Variants in PCSK2 observed in about 807,000 individuals in gnomAD.
PCSK2 encodes the protein proprotein convertase subtilisin/kexin type 2, also known as neuroendocrine convertase 2.
PCSK2 carries 14 observed loss-of-function variants against 69.7 expected under a neutral mutation model. That is an observed-to-expected ratio of 0.20 (90% CI 0.13 to 0.31). The LOEUF is 0.31. Among genes scored for constraint, PCSK2 ranks in the 10% least tolerant of loss-of-function variants. PCSK2 has a pLI of 1.00. For synonymous variants in PCSK2, 307 were observed against 320.7 expected (o/e 0.96, Z 0.46); for missense variants, 544 against 842.5 (o/e 0.65, Z 4.39).
intron 2 of PCSK2, among the ~76,000 whole-genome samples, chr20:17,275,304 A>G (rs1372687024): frequency 6.6e-6 from 1 of 152,010 alleles, no homozygotes; most frequent in African/African-American, 2.4e-5. Flanking sequence ...GTAACAGCAT[A>G]CGTAGTGAGA....
At chr20:17,403,986 C>A (rs1223487665) in intron 5 of PCSK2, among the ~76,000 whole-genome samples, 1 of 152,086 alleles carries the variant, frequency 6.6e-6, no homozygotes, top group Non-Finnish European at 1.5e-5. Flanking sequence ...GAAACAGCAC[C>A]CTGTCTATGG....
At chr20:17,346,971 C>A (rs1990669822) in intron 2 of PCSK2, among the ~76,000 whole-genome samples, 1 of 152,112 alleles carries the variant, frequency 6.6e-6, no homozygotes, top group Non-Finnish European at 1.5e-5. Flanking sequence ...TCACGGTATA[C>A]CTTGTATCCA....
intron 2 of PCSK2, among the ~76,000 whole-genome samples, chr20:17,348,623 T>C (rs2029884343): frequency 6.6e-6 from 1 of 152,166 alleles, no homozygotes; most frequent in Non-Finnish European, 1.5e-5. Flanking sequence ...CAGAAATGTA[T>C]GGAGGTAAAA....
intron 5 of PCSK2, among the ~76,000 whole-genome samples, chr20:17,383,243 A>G (rs547151895): frequency 6.6e-6 from 1 of 152,238 alleles, no homozygotes; most frequent in African/African-American, 2.4e-5. Flanking sequence ...CATAGCTCCT[A>G]TCTCTGTCTT....
chr20:17,267,292 A>T (rs909717962), intron 2 of PCSK2, among the ~76,000 whole-genome samples: 2 of 152,226 alleles, frequency 1.3e-5, no homozygotes, highest in African/African-American at 4.8e-5. Flanking sequence ...TCTAGATAAC[A>T]TGCCAAGAGG....
At chr20:17,434,928 A>T (rs1224367675) in intron 7 of PCSK2, among the ~76,000 whole-genome samples, 2 of 152,238 alleles carry the variant, frequency 1.3e-5, no homozygotes, top group East Asian at 3.8e-4. Context: ...AAGTTTTTAA[A>T]TAAATAAAAA....
chr20:17,347,237 T>C (rs1990675142), intron 2 of PCSK2, among the ~76,000 whole-genome samples: 1 of 152,180 alleles, frequency 6.6e-6, no homozygotes, highest in African/African-American at 2.4e-5. Flanking sequence ...TCATATCTCC[T>C]GCTCAAGGAA....
chr20:17,362,604 T>C (rs958848539), intron 4 of PCSK2, among the ~76,000 whole-genome samples: 1 of 152,184 alleles, frequency 6.6e-6, no homozygotes, highest in South Asian at 2.1e-4. Context: ...TAGATGGATT[T>C]CTTATAGGTG....
intron 10 of PCSK2, among the ~76,000 whole-genome samples, chr20:17,461,124 C>A (rs911842535): frequency 7.2e-5 from 11 of 152,132 alleles, no homozygotes; most frequent in Non-Finnish European, 1.6e-4. Context: ...AATGAGTTAG[C>A]TCTTCCTCAA....
chr20:17,406,839 CCT>C (rs1305083707), intron 5 of PCSK2, among the ~76,000 whole-genome samples: 1 of 152,190 alleles, frequency 6.6e-6, no homozygotes, highest in Non-Finnish European at 1.5e-5. Context: ...AGGTTTTGCC[CCT>C]GTCCTCCCTG....
chr20:17,316,591 C>A (rs184008397), intron 2 of PCSK2, among the ~76,000 whole-genome samples: 64 of 152,306 alleles, frequency 4.2e-4, no homozygotes, highest in African/African-American at 1.3e-3. Flanking sequence ...AGAGTGCTGG[C>A]AACCCAGAAT....
At chr20:17,442,151 C>A (rs899344129) in intron 8 of PCSK2, among the ~76,000 whole-genome samples, 1 of 151,818 alleles carries the variant, frequency 6.6e-6, no homozygotes, top group Admixed American at 6.6e-5. Flanking sequence ...AACAGCCCAC[C>A]GGGAGCTGGG....
chr20:17,324,950 AG>A (rs1343401714), intron 2 of PCSK2, among the ~76,000 whole-genome samples: 1 of 152,064 alleles, frequency 6.6e-6, no homozygotes, highest in Non-Finnish European at 1.5e-5. Flanking sequence ...CAGTGTCGCG[AG>A]GCCACCATGC....
At chr20:17,451,915 C>CTTTTTTT (rs34323701) in intron 8 of PCSK2, among the ~76,000 whole-genome samples, 24 of 101,598 alleles carry the variant, frequency 2.4e-4, no homozygotes, top group African/African-American at 3.5e-4. Context: ...TTGTACTTTG[C>CTTTTTTT]TTTTTTTTTT....
intron 1 of PCSK2, among the ~76,000 whole-genome samples, chr20:17,245,847 G>T (rs934356127): frequency 6.6e-6 from 1 of 152,206 alleles, no homozygotes; most frequent in South Asian, 2.1e-4. Context: ...ACTTGTGGAG[G>T]AGCACGTACC....
chr20:17,255,479 C>T (rs1987141452), intron 1 of PCSK2, among the ~76,000 whole-genome samples: 1 of 151,868 alleles, frequency 6.6e-6, no homozygotes, highest in African/African-American at 2.4e-5. Flanking sequence ...GTAGCTGGGA[C>T]TACAGGAGCC....
chr20:17,386,473 T>C (rs1435039679), intron 5 of PCSK2, among the ~76,000 whole-genome samples: 1 of 152,108 alleles, frequency 6.6e-6, no homozygotes, highest in Non-Finnish European at 1.5e-5. Context: ...AGGAAGGAAA[T>C]TCTGTTACTT....
At chr20:17,353,472 AAAAAAAAAGTC>A (rs1423765568) in intron 2 of PCSK2, among the ~76,000 whole-genome samples, 2 of 151,642 alleles carry the variant, frequency 1.3e-5, no homozygotes, top group Non-Finnish European at 2.9e-5. Context: ...ACACAAAAAA[AAAAAAAAAGTC>A]AAAAAATAGT....
At chr20:17,249,466 C>G (rs1986890879) in intron 1 of PCSK2, among the ~76,000 whole-genome samples, 1 of 138,520 alleles carries the variant, frequency 7.2e-6, no homozygotes, top group Non-Finnish European at 1.5e-5. Flanking sequence ...GAGATCGCGC[C>G]ACTGCACTCC....
Sources: gnomAD v4.1 joint callset for allele counts (sites outside exome capture counted in the v4.1 genomes callset) on GRCh38, gnomAD v4.1.1 for gene constraint, MANE v1.5 for transcripts, NCBI Gene and HGNC (gene_info 2026-07-23, HGNC 2026-07-21) for gene names.